Variants in MID2 observed in about 807,000 individuals in gnomAD.
MID2 encodes midline 2.
In MID2, 13 loss-of-function variants were observed where a neutral mutation model predicts 46.1. The ratio of observed to expected loss-of-function variants is 0.28; its 90% confidence interval spans 0.18 to 0.45. The LOEUF (loss-of-function observed/expected upper bound fraction) is 0.45, where lower values mean the gene tolerates loss of function less well. Ranked by LOEUF, MID2 falls within the 20% of genes least tolerant of loss-of-function variation. MID2 has a pLI of 1.00. For synonymous variants in MID2, 199 were observed against 212.3 expected (o/e 0.94, Z 0.55); for missense variants, 431 against 575.4 (o/e 0.75, Z 2.57).
intron 3 of MID2, among the ~76,000 whole-genome samples, chrX:107,889,480 C>T (rs1228280419): frequency 9.0e-5 from 10 of 111,662 alleles, no homozygotes; most frequent in African/African-American, 2.0e-4. Context: ...GAGTTTCTGC[C>T]GAGAGATCCG....
At chrX:107,856,649 C>G (rs1931743949) in intron 3 of MID2, among the ~76,000 whole-genome samples, 1 of 111,634 alleles carries the variant, frequency 9.0e-6, no homozygotes. Flanking sequence ...GTTCAGGGCC[C>G]TACTCTTTTT....
At chrX:107,890,971 G>A (rs1569468038) in intron 3 of MID2, among the ~76,000 whole-genome samples, 1 of 110,671 alleles carries the variant, frequency 9.0e-6, no homozygotes, top group Non-Finnish European at 1.9e-5. Context: ...GAAAAGCACA[G>A]TGTTAGGGTG....
intron 3 of MID2, among the ~76,000 whole-genome samples, chrX:107,899,989 A>G (rs968613080): frequency 8.9e-6 from 1 of 112,084 alleles, no homozygotes; most frequent in African/African-American, 3.2e-5. Flanking sequence ...TGTTTTATTC[A>G]CATCACAAAG....
intron 3 of MID2, among the ~76,000 whole-genome samples, chrX:107,878,147 G>A (rs929561840): frequency 4.5e-5 from 5 of 111,825 alleles, no homozygotes; most frequent in South Asian, 3.8e-4. Flanking sequence ...CTCTATGGGC[G>A]TGTGATGGGA....
chrX:107,900,798 G>A (rs1192446434), intron 3 of MID2, among the ~76,000 whole-genome samples: 2 of 111,650 alleles, frequency 1.8e-5, no homozygotes, highest in Non-Finnish European at 1.9e-5. Flanking sequence ...TTTAATTTCA[G>A]TAGATTATAG....
At chrX:107,828,653 C>T (rs1183488491) in intron 1 of MID2, among the ~76,000 whole-genome samples, 1 of 111,954 alleles carries the variant, frequency 8.9e-6, no homozygotes, top group Non-Finnish European at 1.9e-5. Flanking sequence ...TTCTTTAAGG[C>T]AATGCAAGAA....
At chrX:107,876,143 C>A (rs1932195415) in intron 3 of MID2, among the ~76,000 whole-genome samples, 1 of 111,039 alleles carries the variant, frequency 9.0e-6, no homozygotes, top group Non-Finnish European at 1.9e-5. Context: ...ACAGGTGCAC[C>A]TCAGGAATCC....
intron 2 of MID2, among the ~76,000 whole-genome samples, chrX:107,847,320 AT>A (rs1274544322): frequency 8.9e-6 from 1 of 111,957 alleles, no homozygotes; most frequent in Non-Finnish European, 1.9e-5. Context: ...CCAATTCAGT[AT>A]GGTAAGTGCC....
At chrX:107,876,297 C>T (rs1006822886) in intron 3 of MID2, among the ~76,000 whole-genome samples, 4 of 111,423 alleles carry the variant, frequency 3.6e-5, no homozygotes, top group Middle Eastern at 4.6e-3. Context: ...TATCTGGTCC[C>T]AGGGTCTGTT....
intron 7 of MID2, among the ~76,000 whole-genome samples, chrX:107,922,577 C>A (rs1217431515): frequency 1.8e-5 from 2 of 111,946 alleles, no homozygotes; most frequent in East Asian, 5.6e-4. Context: ...TCCTCCACCC[C>A]CTACCCCTTG....
At chrX:107,882,431 T>G (rs984309684) in intron 3 of MID2, among the ~76,000 whole-genome samples, 17 of 111,665 alleles carry the variant, frequency 1.5e-4, no homozygotes, top group African/African-American at 5.2e-4. Flanking sequence ...CTACAGAATG[T>G]GAGAAAATTT....
rs746117808 is a variant in MID2 at position 107,928,463 on chromosome X, C to T, written c.*1390C>T. Among the ~76,000 whole-genome samples, 3 of 110,699 alleles carry T rather than the reference C, an allele frequency of 2.7e-5. No homozygotes were observed. In the South Asian group the frequency reaches 1.2e-3, roughly 43 times the overall value. On this transcript the variant is annotated 3_prime_UTR_variant, in exon 10 of 10. Transcript: ENST00000262843. ...GATGTCAGAGAGCCAGAGCTTTCCC[C>T]TTTCCAGGAGCTAAGTTGGCTTCGG...
chrX:107,925,879 G>A (rs1036578750), intron 8 of MID2, among the ~76,000 whole-genome samples: 8 of 109,874 alleles, frequency 7.3e-5, no homozygotes, highest in African/African-American at 1.3e-4. Flanking sequence ...TATGAAGGTC[G>A]TTTTATGGGA....
At chrX:107,835,963 A>G (rs974621748) in intron 1 of MID2, among the ~76,000 whole-genome samples, 1 of 111,962 alleles carries the variant, frequency 8.9e-6, no homozygotes, top group South Asian at 3.7e-4. Flanking sequence ...ATTTATGCCT[A>G]TCTTTCCTTC....
intron 1 of MID2, 83 bp from the exon 2 acceptor site, chrX:107,840,587 G>A (rs892712776): frequency 7.0e-5 from 53 of 756,440 alleles, no homozygotes; most frequent in East Asian, 2.2e-4. Flanking sequence ...GCACGTAAAC[G>A]CGCCCATTGG....
intron 3 of MID2, chrX:107,894,696 A>G (rs1932680211): frequency 8.9e-6 from 1 of 111,849 alleles, no homozygotes; most frequent in African/African-American, 3.3e-5. Context: ...TGTTAGGGAT[A>G]CAGTGAACAA....
At chrX:107,865,218 T>C (rs1366070407) in intron 3 of MID2, among the ~76,000 whole-genome samples, 1 of 112,252 alleles carries the variant, frequency 8.9e-6, no homozygotes, top group Non-Finnish European at 1.9e-5. Context: ...CGCTGATTAT[T>C]GTGCTTATGG....
rs774736870 is a variant in MID2, at chrX:107,927,603, C to A, written c.*530C>A. On this transcript the variant is annotated 3_prime_UTR_variant, in exon 10 of 10. Transcript: ENST00000262843. ...GTGTATATGTAATATATAAAGTGAA[C>A]ATATATGTACTTTATATATATTCAC... Among the ~76,000 whole-genome samples, 97 of 111,484 alleles carry A rather than the reference C, an allele frequency of 8.7e-4. No individual in the cohort carries two copies. In the South Asian group the frequency reaches 0.016, roughly 19 times the overall value.
intron 3 of MID2, among the ~76,000 whole-genome samples, chrX:107,897,140 C>T (rs1218834146): frequency 1.8e-5 from 2 of 111,753 alleles, no homozygotes; most frequent in Non-Finnish European, 3.8e-5. Flanking sequence ...CAGTCATTGT[C>T]TATCTGAAGG....
Sources: allele counts gnomAD v4.1 joint callset (sites outside exome capture counted in the v4.1 genomes callset), GRCh38; gene constraint gnomAD v4.1.1; transcripts MANE v1.5; gene names NCBI Gene and HGNC (gene_info 2026-07-23, HGNC 2026-07-21).